Variants in RRM2 observed in about 807,000 individuals in gnomAD.
The protein encoded by RRM2 is ribonucleotide reductase regulatory subunit M2, also known as ribonucleoside-diphosphate reductase subunit M2.
RRM2 carries 6 observed loss-of-function variants against 45.9 expected under a neutral mutation model. That is an observed-to-expected ratio of 0.13 (90% CI 0.07 to 0.26). The LOEUF (loss-of-function observed/expected upper bound fraction) is 0.26. Ranked by LOEUF, RRM2 falls within the 10% of genes least tolerant of loss-of-function variation. RRM2 has a pLI of 1.00. For missense variants in RRM2, 343 were observed against 489.5 expected, an observed-to-expected ratio of 0.70 and a Z score of 2.82; for synonymous variants, 177 against 173.0, an observed-to-expected ratio of 1.02 and a Z score of -0.18.
intron 3 of RRM2, chr2:10,155,084 C>A: frequency 4.5e-6 from 1 of 220,116 alleles, no homozygotes; most frequent in Non-Finnish European, 9.2e-6. Flanking sequence ...ATGTTGCTTC[C>A]AACTGAATTG....
chr2:10,141,891 C>T (rs1465393719), exon 2 of RRM2: 3 of 1,572,590 alleles, frequency 1.9e-6, no homozygotes, highest in Admixed American at 1.9e-5. Flanking sequence ...AGATGGAGTC[C>T]AGGCCCTCGG....
intron 3 of RRM2, among the ~76,000 whole-genome samples, chr2:10,153,615 A>G (rs1663363120): frequency 1.3e-5 from 2 of 152,194 alleles, no homozygotes; most frequent in African/African-American, 4.8e-5. Context: ...GCCATCAGCA[A>G]TACCAAGGGA....
At chr2:10,162,852 G>C (rs1354942458) in intron 3 of RRM2, among the ~76,000 whole-genome samples, 1 of 152,230 alleles carries the variant, frequency 6.6e-6, no homozygotes, top group Non-Finnish European at 1.5e-5. Context: ...TCCATGACAG[G>C]GGTTCTTTAG....
intron 2 of RRM2, 91 bp downstream of exon 2, chr2:10,123,148 C>A: frequency 7.1e-7 from 1 of 1,402,188 alleles, no homozygotes; most frequent in East Asian, 2.5e-5. Flanking sequence ...TTCACACTCC[C>A]GCCCCGGCTC....
At chr2:10,186,208 G>A (rs1664161130) in intron 3 of RRM2, among the ~76,000 whole-genome samples, 1 of 152,178 alleles carries the variant, frequency 6.6e-6, no homozygotes, top group Non-Finnish European at 1.5e-5. Context: ...TCTGTGAAGT[G>A]GGGAAGTGTG....
chr2:10,149,503 A>T (rs1213533016), intron 3 of RRM2, among the ~76,000 whole-genome samples: 2 of 152,172 alleles, frequency 1.3e-5, no homozygotes, highest in Non-Finnish European at 2.9e-5. Flanking sequence ...TTCTATGACA[A>T]CATTTTTACT....
chr2:10,183,775 A>G (rs1388784011), intron 3 of RRM2, among the ~76,000 whole-genome samples: 1 of 148,094 alleles, frequency 6.8e-6, no homozygotes, highest in Admixed American at 6.8e-5. Flanking sequence ...AGCCTGGGTG[A>G]CGGAGTGAGA....
chr2:10,181,319 A>G (rs995441765), intron 3 of RRM2, among the ~76,000 whole-genome samples: 3 of 151,962 alleles, frequency 2.0e-5, no homozygotes, highest in African/African-American at 4.8e-5. Context: ...GATGGTAGCA[A>G]TTGTCATCCC....
intron 3 of RRM2, among the ~76,000 whole-genome samples, chr2:10,188,052 C>T (rs1022923631): frequency 8.5e-5 from 13 of 152,190 alleles, no homozygotes; most frequent in African/African-American, 3.1e-4. Context: ...CGATGCCCCT[C>T]GAGTTTGAGA....
intron 3 of RRM2, among the ~76,000 whole-genome samples, chr2:10,168,396 C>A (rs779550367): frequency 1.3e-5 from 2 of 152,154 alleles, no homozygotes; most frequent in Non-Finnish European, 2.9e-5. Flanking sequence ...CCCTCCACCC[C>A]AGAAAGGAAT....
rs896445400 is a variant in RRM2 at position 10,185,548 on chromosome 2, C to A, written n.483-24763C>A. On this transcript the variant is annotated intron_variant and non_coding_transcript_variant, in intron 3 of 3. Coordinates refer to the RRM2 transcript ENST00000381786. The surrounding 1 kb of genome is among the most constrained non-coding windows in gnomAD (Gnocchi z 4.3). ...CAGCCTTTTCCCCACCCATTCACTC[C>A]TCTCCCAAATCCGGATGGTTTTAAG... 6.6e-6 allele frequency among the ~76,000 whole-genome samples: 1 copy of A among 152,178 alleles called. No homozygotes were observed. Among genetic ancestry groups the A allele is most frequent in the Non-Finnish European group, 1.5e-5 (1 of 68,030 alleles).
chr2:10,194,742 G>A (rs1333092642), intron 3 of RRM2, among the ~76,000 whole-genome samples: 2 of 152,276 alleles, frequency 1.3e-5, no homozygotes, highest in East Asian at 1.9e-4. Context: ...GGGGCTCTAC[G>A]GGGGCATCCA....
At chr2:10,176,391 C>T (rs1042224107) in intron 3 of RRM2, among the ~76,000 whole-genome samples, 3 of 152,172 alleles carry the variant, frequency 2.0e-5, no homozygotes, top group African/African-American at 7.2e-5. Flanking sequence ...GCCTCAGCCT[C>T]CCAAGTCGCT....
At chr2:10,181,839 A>C (rs966563649) in intron 3 of RRM2, among the ~76,000 whole-genome samples, 1 of 136,360 alleles carries the variant, frequency 7.3e-6, no homozygotes, top group Non-Finnish European at 1.5e-5. Flanking sequence ...ATCATGGCTC[A>C]CTGCAGCCTT....
upstream of RRM2, among the ~76,000 whole-genome samples, chr2:10,140,896 A>G (rs571081537): frequency 6.6e-6 from 1 of 152,312 alleles, no homozygotes; most frequent in South Asian, 2.1e-4. Flanking sequence ...CTACCCAGGC[A>G]GAAGGCTATT....
chr2:10,161,233 A>G (rs933025776), intron 3 of RRM2, among the ~76,000 whole-genome samples: 5 of 151,980 alleles, frequency 3.3e-5, no homozygotes, highest in Admixed American at 3.3e-4. Context: ...AAATGTTTGC[A>G]TTTTTGGTAG....
At chr2:10,179,181 C>T (rs1325759190) in intron 3 of RRM2, among the ~76,000 whole-genome samples, 1 of 152,168 alleles carries the variant, frequency 6.6e-6, no homozygotes, top group African/African-American at 2.4e-5. Context: ...GAGACAGAGT[C>T]TCACTCTGTC....
chr2:10,151,782 TTTTACA>T lies in RRM2; in HGVS notation n.482+9411_482+9416del, dbSNP rs150719115. ...TTGCCAACACTTGGCATGGCCAATCTTTTACATTTTAGCCCTCCGAGTGGGTGTCTA... is the reference window on the plus strand; with the variant it reads ...TTGCCAACACTTGGCATGGCCAATCTTTTTAGCCCTCCGAGTGGGTGTCTA... On this transcript the variant is annotated intron_variant and non_coding_transcript_variant, in intron 3 of 3. Transcript: ENST00000381786. Among the ~76,000 whole-genome samples, 6 of 152,296 alleles carry T rather than the reference TTTTACA, an allele frequency of 3.9e-5. No individual in the cohort carries two copies. The East Asian group carries it at 1.2e-3, about 29-fold the overall frequency.
chr2:10,148,491 C>A (rs959124567), intron 3 of RRM2, among the ~76,000 whole-genome samples: 5 of 152,142 alleles, frequency 3.3e-5, no homozygotes, highest in Non-Finnish European at 5.9e-5. Context: ...ATTCTTAGGC[C>A]ACACTTTCTT....
Sources: gnomAD v4.1 joint callset for allele counts (sites outside exome capture counted in the v4.1 genomes callset) on GRCh38, gnomAD v4.1.1 for gene constraint, Gnocchi (gnomAD v3.1) non-coding constraint, MANE v1.5 for transcripts, NCBI Gene and HGNC (gene_info 2026-07-23, HGNC 2026-07-21) for gene names.